WWOX: variants seen among roughly 807,000 people sequenced by gnomAD.
WWOX encodes WW domain-containing oxidoreductase.
In WWOX, 69 loss-of-function variants were observed where a neutral mutation model predicts 46.2. The observed-to-expected ratio is 1.49, with a 90% CI of 1.23 to 1.82. WWOX has a LOEUF of 1.82. Among genes scored for constraint, WWOX ranks in the 40% most tolerant of loss-of-function variants. WWOX has a pLI of 0.00. For synonymous variants in WWOX, 359 were observed against 202.6 expected (o/e 1.77, Z -6.56); for missense variants, 919 against 542.6 (o/e 1.69, Z -6.89).
At chr16:78,148,388 G>T (rs996374928) in intron 4 of WWOX, among the ~76,000 whole-genome samples, 4 of 152,286 alleles carry the variant, frequency 2.6e-5, no homozygotes, top group African/African-American at 9.6e-5. Context: ...GACAGCACGT[G>T]TAGGGGGTGG....
intron 8 of WWOX, among the ~76,000 whole-genome samples, chr16:78,713,620 C>G (rs1033210265): frequency 6.6e-6 from 1 of 152,102 alleles, no homozygotes; most frequent in Non-Finnish European, 1.5e-5. Flanking sequence ...ACCAGGAATT[C>G]ATATGCATGG....
intron 8 of WWOX, chr16:78,552,895 C>T (rs1323575020): frequency 6.6e-6 from 1 of 152,190 alleles, no homozygotes; most frequent in Non-Finnish European, 1.5e-5. Context: ...CTCACAGATC[C>T]ATGGGGACTC....
intron 4 of WWOX, among the ~76,000 whole-genome samples, chr16:78,133,487 C>G (rs1164975138): frequency 6.6e-6 from 1 of 152,184 alleles, no homozygotes; most frequent in Admixed American, 6.5e-5. Flanking sequence ...TCTTGAACTC[C>G]TAACCTCAAG....
intron 8 of WWOX, among the ~76,000 whole-genome samples, chr16:78,747,000 C>G (rs942536098): frequency 5.9e-5 from 9 of 152,070 alleles, no homozygotes; most frequent in African/African-American, 2.2e-4. Context: ...GTCCTGAAGA[C>G]CTGAACTCCT....
At chr16:78,846,102 G>T (rs917717454) in intron 8 of WWOX, among the ~76,000 whole-genome samples, 1 of 152,152 alleles carries the variant, frequency 6.6e-6, no homozygotes, top group African/African-American at 2.4e-5. Flanking sequence ...AGGAGCTGTG[G>T]GACCTTGGGA....
chr16:79,173,780 A>G (rs1188897359), intron 8 of WWOX, among the ~76,000 whole-genome samples: 2 of 152,194 alleles, frequency 1.3e-5, no homozygotes, highest in Non-Finnish European at 2.9e-5. Context: ...TGGAAAAAAT[A>G]CTTATGATAA....
chr16:78,413,188 A>G (rs765219044), intron 6 of WWOX, among the ~76,000 whole-genome samples: 17 of 152,284 alleles, frequency 1.1e-4, no homozygotes, highest in Admixed American at 4.6e-4. Context: ...ACTCAAATCA[A>G]TCTCCCCGAG....
chr16:78,555,267 G>A lies in WWOX; in HGVS notation c.1056+122515G>A, dbSNP rs555220175. 2.5e-3 allele frequency among the ~76,000 whole-genome samples: 385 copies of A among 152,094 alleles called. 4 individuals are homozygous for A. Among genetic ancestry groups the A allele is most frequent in the African/African-American group, 8.9e-3 (371 of 41,496 alleles). ...AATGTATTCTCCTATACTGTCCGGG[G>A]AAAGGAAGCATTTTTCAACCAAACT... On this transcript the variant is annotated intron_variant, in intron 8 of 8. Transcript: ENST00000566780.
intron 8 of WWOX, among the ~76,000 whole-genome samples, chr16:78,701,531 C>A (rs918555536): frequency 1.3e-5 from 2 of 152,126 alleles, no homozygotes; most frequent in Non-Finnish European, 2.9e-5. Context: ...CCTGTCTCTA[C>A]TCCCTCTCCC....
chr16:78,487,458 G>T (rs1597153530), intron 8 of WWOX, among the ~76,000 whole-genome samples: 1 of 152,272 alleles, frequency 6.6e-6, no homozygotes, highest in African/African-American at 2.4e-5. Context: ...TTCCGTCTTT[G>T]CATGGTGTTA....
chr16:78,868,800 A>T (rs909170595), intron 8 of WWOX, among the ~76,000 whole-genome samples: 8 of 152,218 alleles, frequency 5.3e-5, no homozygotes, highest in Non-Finnish European at 1.2e-4. Flanking sequence ...GACCATTAAT[A>T]ATCTGGCAGG....
intron 5 of WWOX, among the ~76,000 whole-genome samples, chr16:78,208,032 C>T (rs1406512404): frequency 2.0e-5 from 3 of 152,138 alleles, no homozygotes; most frequent in Non-Finnish European, 4.4e-5. Flanking sequence ...AGGCTGGTCT[C>T]GGACTCCTGA....
chr16:78,183,850 G>A (rs4888758), intron 5 of WWOX, among the ~76,000 whole-genome samples: 10 of 152,244 alleles, frequency 6.6e-5, no homozygotes, highest in African/African-American at 2.2e-4. Flanking sequence ...AAAGCATCCT[G>A]GCTGCAGTGT....
intron 8 of WWOX, among the ~76,000 whole-genome samples, chr16:78,962,436 G>A (rs1033155010): frequency 6.7e-6 from 1 of 149,900 alleles, no homozygotes; most frequent in African/African-American, 2.5e-5. Flanking sequence ...TAATTTCCTT[G>A]TAGGCCAAGC....
At chr16:78,105,293 C>G (rs2032069076) in intron 1 of WWOX, among the ~76,000 whole-genome samples, 2 of 152,150 alleles carry the variant, frequency 1.3e-5, no homozygotes, top group African/African-American at 2.4e-5. Context: ...GAAACCCCAT[C>G]TCTACTAAAA....
rs1264349684 is a variant in WWOX, at chr16:78,578,275, TATATATATA to T, written c.1056+145524_1056+145532del. 1.7e-3 allele frequency among the ~76,000 whole-genome samples: 69 copies of T among 40,582 alleles called. 2 individuals carry two copies. The highest frequency in any genetic ancestry group is 5.3e-3 in the African/African-American group (63 of 11,900). The allele number at this position is 40,582 out of a possible 152,430, so 26.6% of individuals were successfully genotyped here. A position where few individuals can be genotyped will look rare whatever the true frequency, so the allele number is the denominator to read the frequency against. On this transcript the variant is annotated intron_variant, in intron 8 of 8. Transcript: ENST00000566780. ...AATTTTATATATATATATATATATA[TATATATATA>T]TTTTTTTTTTTTTTTTTTTTTTTTG...
chr16:78,377,282 G>C (rs910148345), intron 5 of WWOX, among the ~76,000 whole-genome samples: 14 of 152,206 alleles, frequency 9.2e-5, no homozygotes, highest in African/African-American at 3.1e-4. Flanking sequence ...GTCTTCAACT[G>C]TGTATAAAAC....
intron 8 of WWOX, among the ~76,000 whole-genome samples, chr16:78,532,885 C>G (rs1269444047): frequency 6.6e-6 from 1 of 152,146 alleles, no homozygotes; most frequent in Non-Finnish European, 1.5e-5. Context: ...CACAGCCAAA[C>G]CATATCAAAA....
At chr16:78,933,343 G>T (rs1232994846) in intron 8 of WWOX, among the ~76,000 whole-genome samples, 2 of 152,196 alleles carry the variant, frequency 1.3e-5, no homozygotes, top group African/African-American at 2.4e-5. Context: ...GGAGGCTGAG[G>T]CAGGAGAACT....
Sources: gnomAD v4.1 joint callset for allele counts (sites outside exome capture counted in the v4.1 genomes callset) on GRCh38, gnomAD v4.1.1 for gene constraint, MANE v1.5 for transcripts, NCBI Gene and HGNC (gene_info 2026-07-23, HGNC 2026-07-21) for gene names.